Variants in ATP6V1H observed in about 807,000 individuals in gnomAD.
The protein encoded by ATP6V1H is ATPase H+ transporting V1 subunit H.
A neutral mutation model predicts 71.7 loss-of-function variants in ATP6V1H; 39 were observed. That is an observed-to-expected ratio of 0.54 (90% CI 0.42 to 0.71). The LOEUF is 0.71. Ranked by LOEUF, ATP6V1H falls within the 30% of genes least tolerant of loss-of-function variation. The pLI, the probability that ATP6V1H is intolerant of heterozygous loss-of-function variation, is 0.00. For synonymous variants in ATP6V1H, 192 were observed against 199.3 expected (o/e 0.96, Z 0.31); for missense variants, 509 against 594.9 (o/e 0.86, Z 1.50).
chr8:53,807,110 T>C (rs1810102142), intron 7 of ATP6V1H, among the ~76,000 whole-genome samples: 1 of 152,200 alleles, frequency 6.6e-6, no homozygotes, highest in Non-Finnish European at 1.5e-5. Flanking sequence ...TTTCTGCTAC[T>C]TAATCAGCAC....
Position 53,795,662 on chromosome 8 carries a change from A to G in ATP6V1H, c.855T>C (p.Ile285=). Residue 285 remains isoleucine, a synonymous_variant, in exon 9 of 14, where the codon ATT becomes ATC. Transcript: ENST00000359530. The part of the protein sequence containing the change: ...ESVKEKVTRI[I]LAAFRNFLEK... ...AAACACTTACACGAAATGCTGCAAGAATGATTCTTGTTACTTTCTCTTTGA... is the reference window on the plus strand; with the variant it reads ...AAACACTTACACGAAATGCTGCAAGGATGATTCTTGTTACTTTCTCTTTGA... 1 of 1,612,920 alleles carries G rather than the reference A, an allele frequency of 6.2e-7. No homozygotes were observed. The highest frequency in any genetic ancestry group is 8.5e-7 in the Non-Finnish European group (1 of 1,179,720).
intron 11 of ATP6V1H, among the ~76,000 whole-genome samples, chr8:53,764,105 A>T (rs1808368379): frequency 6.6e-6 from 1 of 152,230 alleles, no homozygotes; most frequent in African/African-American, 2.4e-5. Context: ...AACATTTAAG[A>T]AGTAAACAAT....
chr8:53,758,880 G>C (rs1808163002), intron 11 of ATP6V1H, among the ~76,000 whole-genome samples: 1 of 152,218 alleles, frequency 6.6e-6, no homozygotes, highest in Non-Finnish European at 1.5e-5. Flanking sequence ...ATTTGGGACA[G>C]AAACAAAATG....
chr8:53,746,266 T>TC (rs1229669090), intron 12 of ATP6V1H, among the ~76,000 whole-genome samples: 1 of 151,538 alleles, frequency 6.6e-6, no homozygotes, highest in Non-Finnish European at 1.5e-5. Context: ...TATGTTTATT[T>TC]CTTTTTTTTT....
chr8:53,834,459 C>T (rs1043980848), intron 2 of ATP6V1H, among the ~76,000 whole-genome samples: 1 of 152,200 alleles, frequency 6.6e-6, no homozygotes, highest in African/African-American at 2.4e-5. Context: ...CAGAGTCTCA[C>T]TCTGTTGCCA....
intron 13 of ATP6V1H, among the ~76,000 whole-genome samples, chr8:53,717,466 A>G (rs1043972289): frequency 2.0e-5 from 3 of 152,252 alleles, no homozygotes; most frequent in Non-Finnish European, 4.4e-5. Context: ...TCCTTCAAGG[A>G]AAGTTCTTAT....
At chr8:53,724,005 AC>A (rs923214605) in intron 13 of ATP6V1H, among the ~76,000 whole-genome samples, 1 of 152,264 alleles carries the variant, frequency 6.6e-6, no homozygotes, top group Non-Finnish European at 1.5e-5. Context: ...AATGCAATCT[AC>A]AATTTACTAT....
intron 13 of ATP6V1H, among the ~76,000 whole-genome samples, chr8:53,718,828 G>A (rs1806519370): frequency 6.6e-6 from 1 of 152,138 alleles, no homozygotes; most frequent in South Asian, 2.1e-4. Flanking sequence ...GGATTTGGGG[G>A]AAGAACAAGG....
chr8:53,823,488 G>A (rs995013474), intron 4 of ATP6V1H, among the ~76,000 whole-genome samples: 12 of 152,042 alleles, frequency 7.9e-5, no homozygotes, highest in African/African-American at 2.7e-4. Context: ...AATTTTTGGG[G>A]GGGCGGGGGA....
At position 53,768,346 on chromosome 8, in the gene ATP6V1H, T is replaced by C. The variant is rs140139008; in HGVS notation, c.1175+1272A>G. On this transcript the variant is annotated intron_variant, in intron 11 of 13. Coordinates refer to ENST00000359530, the MANE Select transcript of ATP6V1H (RefSeq NM_015941.4). ...ATTCACTGTTGGTGGGAACAGAAAA[T>C]TGTGTAGCCACTTTGGAAAACAGTC... is the stretch of plus-strand genomic sequence containing the variant. 3.5e-3 allele frequency among the ~76,000 whole-genome samples: 536 copies of C among 152,200 alleles called. 3 individuals carry two copies. Among genetic ancestry groups the C allele is most frequent in the African/African-American group, 0.012 (494 of 41,526 alleles).
At chr8:53,810,518 G>A (rs1290994543) in intron 7 of ATP6V1H, among the ~76,000 whole-genome samples, 1 of 152,124 alleles carries the variant, frequency 6.6e-6, no homozygotes, top group Non-Finnish European at 1.5e-5. Context: ...AAGGCAGGCG[G>A]ATCACGAGGT....
chr8:53,731,759 C>T (rs907574972), intron 13 of ATP6V1H, among the ~76,000 whole-genome samples: 3 of 152,210 alleles, frequency 2.0e-5, no homozygotes, highest in Non-Finnish European at 4.4e-5. Context: ...GTTCCCTGAC[C>T]GGGAAGCGAG....
intron 7 of ATP6V1H, among the ~76,000 whole-genome samples, chr8:53,802,238 G>A (rs1044827006): frequency 6.6e-6 from 1 of 152,116 alleles, no homozygotes; most frequent in Admixed American, 6.5e-5. Flanking sequence ...TATGTATAGA[G>A]AATACTGTTC....
At chr8:53,726,381 A>G (rs1806814027) in intron 13 of ATP6V1H, among the ~76,000 whole-genome samples, 1 of 152,222 alleles carries the variant, frequency 6.6e-6, no homozygotes, top group South Asian at 2.1e-4. Context: ...CATTATGAAA[A>G]GACTATTCTT....
chr8:53,827,043 C>A (rs541083603), intron 4 of ATP6V1H, among the ~76,000 whole-genome samples: 1 of 151,764 alleles, frequency 6.6e-6, no homozygotes, highest in Non-Finnish European at 1.5e-5. Flanking sequence ...TACCTTTCTG[C>A]ATAGTTTTGA....
intron 1 of ATP6V1H, among the ~76,000 whole-genome samples, chr8:53,842,038 T>C (rs1394692576): frequency 1.3e-5 from 2 of 152,162 alleles, no homozygotes; most frequent in East Asian, 1.9e-4. Flanking sequence ...GGTATAAATA[T>C]GGGAAAAATT....
intron 13 of ATP6V1H, among the ~76,000 whole-genome samples, chr8:53,733,691 G>A (rs1017078098): frequency 6.6e-6 from 1 of 152,152 alleles, no homozygotes; most frequent in Admixed American, 6.5e-5. Flanking sequence ...TAGGAGCTGT[G>A]GGGTTCTGCA....
At chr8:53,753,032 T>TG (rs2130235379) in intron 12 of ATP6V1H, among the ~76,000 whole-genome samples, 1 of 150,664 alleles carries the variant, frequency 6.6e-6, no homozygotes, top group African/African-American at 2.4e-5. Flanking sequence ...CCATAAAGTT[T>TG]GGGGGGAAAA....
chr8:53,761,223 G>C (rs1212698589), intron 11 of ATP6V1H, among the ~76,000 whole-genome samples: 1 of 152,068 alleles, frequency 6.6e-6, no homozygotes, highest in Non-Finnish European at 1.5e-5. Context: ...TGTAGTCCCA[G>C]GTACTCGGGA....
Sources: gnomAD v4.1 joint callset for allele counts (sites outside exome capture counted in the v4.1 genomes callset) on GRCh38, gnomAD v4.1.1 for gene constraint, MANE v1.5 for transcripts, NCBI Gene and HGNC (gene_info 2026-07-23, HGNC 2026-07-21) for gene names.